The following EHD4 variants were observed in gnomAD, a reference collection of about 807,000 sequenced individuals.
EHD4 encodes EH domain containing 4.
In EHD4, 37 loss-of-function variants were observed where a neutral mutation model predicts 51.0. The observed-to-expected ratio is 0.73, with a 90% confidence interval of 0.56 to 0.95. The LOEUF (loss-of-function observed/expected upper bound fraction) is 0.95. EHD4 is among the 40% of genes least tolerant of loss of function. The probability of loss-of-function intolerance (pLI) is 0.00; values close to 1 mark genes in which losing one functional copy is unlikely to be tolerated. For missense variants in EHD4, 632 were observed against 733.1 expected (o/e 0.86, Z 1.59); for synonymous variants, 297 against 317.3 (o/e 0.94, Z 0.68).
intron 5 of EHD4, among the ~76,000 whole-genome samples, chr15:41,905,235 C>T (rs2067504716): frequency 6.6e-6 from 1 of 152,188 alleles, no homozygotes; most frequent in South Asian, 2.1e-4. Context: ...GCATTCCTGA[C>T]AGGCTCCAGG....
rs202126317 is a variant in EHD4, at chr15:41,920,072, TG to T, written c.512-451del. ...GAACCAGAGGCCACCTGGCATCCCA[TG>T]GGGGTATCCAGTAAGCATAACAGAA... On this transcript the variant is annotated intron_variant, in intron 3 of 5. Coordinates refer to ENST00000220325, the MANE Select transcript of EHD4 (RefSeq NM_139265.4). 4.9e-4 allele frequency among the ~76,000 whole-genome samples: 75 copies of T among 152,284 alleles called. 1 individual carries two copies. In the East Asian group the frequency reaches 0.012, roughly 25 times the overall value.
chr15:41,898,003 C>T lies in EHD4; in HGVS notation c.*2642G>A, dbSNP rs1176770898. Reference sequence around the variant, plus strand: ...TGGTGGTGTGGACACATTCACAGAACTTTGTACTGGTCCTGGGAAGATACA... The same window carrying T: ...TGGTGGTGTGGACACATTCACAGAATTTTGTACTGGTCCTGGGAAGATACA... On this transcript the variant is annotated 3_prime_UTR_variant, in exon 6 of 6. Coordinates refer to ENST00000220325, the MANE Select transcript of EHD4 (RefSeq NM_139265.4). 1.3e-5 allele frequency: 2 copies of T among 152,246 alleles called. No individual in the cohort carries two copies. The highest frequency in any genetic ancestry group is 2.9e-5 in the Non-Finnish European group (2 of 68,032). The allele number at this position is 152,246 out of a possible 1,614,324, so 9.4% of individuals were successfully genotyped here.
chr15:41,953,711 C>T, intron 2 of EHD4, 53 bp downstream of exon 2: 1 of 1,518,270 alleles, frequency 6.6e-7, no homozygotes, highest in Non-Finnish European at 8.8e-7. Context: ...GGCAGTAATT[C>T]AAAGAAAAGG....
chr15:41,916,727 G>A (rs1256373503), intron 4 of EHD4, among the ~76,000 whole-genome samples: 1 of 152,206 alleles, frequency 6.6e-6, no homozygotes, highest in Non-Finnish European at 1.5e-5. Flanking sequence ...TTCTCCTCCG[G>A]GTGAGCCCGC....
At chr15:41,972,207 A>G (rs1450610012) in intron 1 of EHD4, 52 bp downstream of exon 1, 5 of 1,406,398 alleles carry the variant, frequency 3.6e-6, no homozygotes, top group Non-Finnish European at 4.7e-6. Flanking sequence ...TGCGGCGCAC[A>G]CGTGGGGAGG....
intron 5 of EHD4, among the ~76,000 whole-genome samples, chr15:41,907,824 CTGTGTGTGTGTG>C (rs10522331): frequency 2.3e-4 from 31 of 132,124 alleles, no homozygotes; most frequent in East Asian, 1.3e-3. Context: ...CGCCCAGGCT[CTGTGTGTGTGTG>C]TGTGTGTGTG....
chr15:41,936,916 C>T (rs1432516636), intron 3 of EHD4, among the ~76,000 whole-genome samples: 3 of 148,168 alleles, frequency 2.0e-5, no homozygotes, highest in African/African-American at 8.0e-5. Flanking sequence ...TAGTGATGTC[C>T]AGGACCTCAC....
chr15:41,915,159 A>T (rs1010246704), intron 4 of EHD4, among the ~76,000 whole-genome samples: 4 of 152,168 alleles, frequency 2.6e-5, no homozygotes, highest in African/African-American at 4.8e-5. Flanking sequence ...TGTGAACTAC[A>T]TATACATTCA....
chr15:41,941,962 GCA>G (rs1020406018), intron 3 of EHD4: 1 of 152,252 alleles, frequency 6.6e-6, no homozygotes, highest in African/African-American at 2.4e-5. Flanking sequence ...AGACTTCTCA[GCA>G]CGGTGCTACC....
chr15:41,919,960 G>A (rs1175907326), intron 3 of EHD4, among the ~76,000 whole-genome samples: 2 of 152,136 alleles, frequency 1.3e-5, no homozygotes. Flanking sequence ...ATTGATCAAT[G>A]GTTTTATAAA....
In EHD4 at chr15:41,953,957, G is replaced by T. The variant is rs529242977; in HGVS notation, c.237-17C>A. 1.1e-4 allele frequency: 180 copies of T among 1,610,186 alleles called. No individual in the cohort carries two copies. Among genetic ancestry groups the T allele is most frequent in the Non-Finnish European group, 1.4e-4 (169 of 1,179,054 alleles). On this transcript the variant is annotated splice_polypyrimidine_tract_variant and intron_variant, in intron 1 of 5. Coordinates refer to ENST00000220325, the MANE Select transcript of EHD4 (RefSeq NM_139265.4). The stretch of plus-strand genomic sequence containing the variant: ...AGTAGGTATCTGGGAGAGGGAAGAA[G>T]AAGAGAAAGCTTAGCATCTTATCAC...
chr15:41,948,280 ACCAGGGAACTACCAC>A (rs2067828750), intron 2 of EHD4, among the ~76,000 whole-genome samples: 1 of 151,976 alleles, frequency 6.6e-6, no homozygotes, highest in South Asian at 2.1e-4. Flanking sequence ...TGGTTTAGTG[ACCAGGGAACTACCAC>A]CCAGGGAACC....
intron 1 of EHD4, among the ~76,000 whole-genome samples, chr15:41,968,086 G>T (rs764013427): frequency 6.6e-6 from 1 of 152,158 alleles, no homozygotes; most frequent in Non-Finnish European, 1.5e-5. Context: ...TGAGTGGGCC[G>T]ATCACTTCCT....
intron 5 of EHD4, among the ~76,000 whole-genome samples, chr15:41,909,279 A>C (rs987603815): frequency 6.6e-6 from 1 of 152,208 alleles, no homozygotes; most frequent in Non-Finnish European, 1.5e-5. Flanking sequence ...TTGAGCCTGC[A>C]GCAGCAAGGC....
chr15:41,919,294 G>A lies in EHD4; in HGVS notation c.840C>T (p.Asp280=). ...GGAGGCTCTGGATGTCTCTAAAGAG[G>A]TCCTGGGCCTCAGCCTCGAAGAGCC... The part of the protein sequence containing the change: ...NRRLFEAEAQ[D]LFRDIQSLPQ... Residue 280 remains aspartate (D), a synonymous_variant, in exon 4 of 6, where the codon GAC becomes GAT. Coordinates refer to ENST00000220325, the MANE Select transcript of EHD4 (RefSeq NM_139265.4). 1 of 1,614,202 alleles carries A rather than the reference G, an allele frequency of 6.2e-7. No homozygotes were observed. The highest frequency in any genetic ancestry group is 8.5e-7 in the Non-Finnish European group (1 of 1,180,042).
At chr15:41,954,130 G>A (rs561605141) in intron 1 of EHD4, among the ~76,000 whole-genome samples, 190 bp from the exon 2 acceptor site, 8 of 152,264 alleles carry the variant, frequency 5.3e-5, no homozygotes, top group South Asian at 4.2e-4. Context: ...GAAGTGTACC[G>A]TGCTGGCTCC....
At chr15:41,918,966 T>G (rs2067603802) in intron 4 of EHD4, among the ~76,000 whole-genome samples, 1 of 152,232 alleles carries the variant, frequency 6.6e-6, no homozygotes, top group Non-Finnish European at 1.5e-5. Flanking sequence ...CAAGTTCTTG[T>G]GAAGTGCTCT....
At chr15:41,904,505 G>A (rs1291336678) in intron 5 of EHD4, among the ~76,000 whole-genome samples, 2 of 152,130 alleles carry the variant, frequency 1.3e-5, no homozygotes, top group Non-Finnish European at 2.9e-5. Flanking sequence ...TACACACTGG[G>A]GAACTTAAAG....
At chr15:41,957,270 G>A (rs2067894175) in intron 1 of EHD4, among the ~76,000 whole-genome samples, 1 of 152,166 alleles carries the variant, frequency 6.6e-6, no homozygotes, top group African/African-American at 2.4e-5. Context: ...GGTTGAAGCT[G>A]CAGTGAGCTG....
Sources: allele counts gnomAD v4.1 joint callset (sites outside exome capture counted in the v4.1 genomes callset), GRCh38; gene constraint gnomAD v4.1.1; transcripts MANE v1.5; gene names NCBI Gene and HGNC (gene_info 2026-07-23, HGNC 2026-07-21).